The following CRISPLD2 variants were observed in gnomAD, a reference collection of about 807,000 sequenced individuals.
CRISPLD2 encodes the protein cysteine-rich secretory protein LCCL domain-containing 2.
A neutral mutation model predicts 71.1 loss-of-function variants in CRISPLD2; 47 were observed. The ratio of observed to expected loss-of-function variants is 0.66; its 90% CI spans 0.52 to 0.84. The LOEUF is 0.84. Among genes scored for constraint, CRISPLD2 ranks in the 40% least tolerant of loss-of-function variants. The pLI, the probability that CRISPLD2 is intolerant of heterozygous loss-of-function variation, is 0.00. For synonymous variants in CRISPLD2, 317 were observed against 250.1 expected (o/e 1.27, Z -2.52); for missense variants, 830 against 651.1 (o/e 1.27, Z -2.99).
chr16:84,832,068 C>T (rs1376832683), intron 1 of CRISPLD2, among the ~76,000 whole-genome samples: 3 of 152,346 alleles, frequency 2.0e-5, no homozygotes, highest in African/African-American at 7.2e-5. Context: ...TTAAGGTAAA[C>T]GTGGGCTTTG....
chr16:84,853,575 C>T (rs534418028), intron 5 of CRISPLD2, among the ~76,000 whole-genome samples: 4 of 152,304 alleles, frequency 2.6e-5, no homozygotes, highest in South Asian at 2.1e-4. Flanking sequence ...TCTGGGGCCG[C>T]GGGAAGTTCT....
intron 5 of CRISPLD2, 91 bp from the exon 6 acceptor site, chr16:84,854,638 T>C (rs1251232815): frequency 1.1e-6 from 1 of 894,704 alleles, no homozygotes; most frequent in Non-Finnish European, 1.9e-6. Context: ...AGTGGCGGTG[T>C]TCAGGGACTC....
chr16:84,872,853 C>A, intron 9 of CRISPLD2, 139 bp from the exon 10 acceptor site: 8 of 1,076,058 alleles, frequency 7.4e-6, no homozygotes, highest in Non-Finnish European at 1.1e-5. Flanking sequence ...CAGACAGAGG[C>A]GAGAGGCAGG....
intron 2 of CRISPLD2, among the ~76,000 whole-genome samples, chr16:84,845,250 T>C (rs557461384): frequency 6.6e-6 from 1 of 152,298 alleles, no homozygotes; most frequent in East Asian, 1.9e-4. Flanking sequence ...GAGCCCCCTG[T>C]TAGAATGCAA....
intron 2 of CRISPLD2, 124 bp downstream of exon 2, chr16:84,838,859 T>C: frequency 5.7e-6 from 7 of 1,231,458 alleles, no homozygotes; most frequent in Non-Finnish European, 8.0e-6. Flanking sequence ...CAGGGTCTCC[T>C]CTGGCAGGGG....
At chr16:84,851,282 C>T (rs1293719882) in intron 5 of CRISPLD2, among the ~76,000 whole-genome samples, 2 of 152,240 alleles carry the variant, frequency 1.3e-5, no homozygotes, top group Non-Finnish European at 2.9e-5. Flanking sequence ...CATGGTGCCT[C>T]CTCCGCCTAT....
At chr16:84,868,135 C>T (rs1052039384) in intron 7 of CRISPLD2, among the ~76,000 whole-genome samples, 1 of 152,148 alleles carries the variant, frequency 6.6e-6, no homozygotes, top group Non-Finnish European at 1.5e-5. Flanking sequence ...TTCATAACTA[C>T]CATCTCCCCT....
intron 13 of CRISPLD2, among the ~76,000 whole-genome samples, chr16:84,883,901 T>C (rs1965993): frequency 0.21 from 32,110 of 149,742 alleles, 3,544 homozygotes; most frequent in Admixed American, 0.27. Context: ...TGAAGTGCAG[T>C]GGCGTGACCT....
chr16:84,887,703 C>T (rs904027450), intron 13 of CRISPLD2, among the ~76,000 whole-genome samples: 5 of 152,250 alleles, frequency 3.3e-5, no homozygotes, highest in East Asian at 1.9e-4. Flanking sequence ...ATGGAGAAAC[C>T]GTGTCTCTAC....
At chr16:84,823,508 A>G (rs890854462) in intron 1 of CRISPLD2, among the ~76,000 whole-genome samples, 3 of 152,124 alleles carry the variant, frequency 2.0e-5, no homozygotes, top group Non-Finnish European at 4.4e-5. Context: ...GGCCTTCTCC[A>G]TGGGTGCAGG....
At chr16:84,881,978 G>C (rs1045347468) in intron 13 of CRISPLD2, among the ~76,000 whole-genome samples, 3 of 151,922 alleles carry the variant, frequency 2.0e-5, no homozygotes, top group African/African-American at 7.3e-5. Context: ...TCTTTAAATG[G>C]GTCTTTTTTT....
At chr16:84,877,915 A>C (rs2071533961) in intron 12 of CRISPLD2, among the ~76,000 whole-genome samples, 1 of 151,396 alleles carries the variant, frequency 6.6e-6, no homozygotes, top group African/African-American at 2.4e-5. Context: ...ACCCATTAGA[A>C]GTAAACGATG....
chr16:84,846,167 T>C (rs1597454781), intron 3 of CRISPLD2: 1 of 330,432 alleles, frequency 3.0e-6, no homozygotes, highest in Non-Finnish European at 5.6e-6. Context: ...CCTTTCCTTC[T>C]TCCTTTCCTT....
chr16:84,884,470 C>T (rs1158395188), intron 13 of CRISPLD2, among the ~76,000 whole-genome samples: 1 of 152,158 alleles, frequency 6.6e-6, no homozygotes, highest in Non-Finnish European at 1.5e-5. Context: ...ACAGGTCATC[C>T]CAAGTCACAC....
chr16:84,889,667 C>T (rs540698342), intron 14 of CRISPLD2, among the ~76,000 whole-genome samples: 1 of 151,486 alleles, frequency 6.6e-6, no homozygotes, highest in African/African-American at 2.4e-5. Context: ...CAGATAAGCC[C>T]GAAGATAAAC....
At chr16:84,838,074 A>G (rs1020456725) in intron 1 of CRISPLD2, among the ~76,000 whole-genome samples, 1 of 151,964 alleles carries the variant, frequency 6.6e-6, no homozygotes, top group South Asian at 2.1e-4. Context: ...GGCAGGTGAT[A>G]GAAGCTAATT....
chr16:84,820,338 A>T (rs918769885), intron 1 of CRISPLD2, among the ~76,000 whole-genome samples: 7 of 152,204 alleles, frequency 4.6e-5, no homozygotes, highest in Admixed American at 4.6e-4. Flanking sequence ...TCATTTGTCC[A>T]GGACCTCGCA....
intron 1 of CRISPLD2, among the ~76,000 whole-genome samples, chr16:84,831,119 C>T (rs1335904978): frequency 2.0e-5 from 3 of 152,154 alleles, no homozygotes; most frequent in Non-Finnish European, 2.9e-5. Flanking sequence ...GAGCCCAGGG[C>T]CGGGGGTGCC....
intron 14 of CRISPLD2, among the ~76,000 whole-genome samples, chr16:84,903,357 A>T (rs2071772235): frequency 6.6e-6 from 1 of 152,080 alleles, no homozygotes; most frequent in Non-Finnish European, 1.5e-5. Context: ...CAGGCGGATC[A>T]TGAGCTCAGG....
Sources: gnomAD v4.1 joint callset for allele counts (sites outside exome capture counted in the v4.1 genomes callset) on GRCh38, gnomAD v4.1.1 for gene constraint, MANE v1.5 for transcripts, NCBI Gene and HGNC (gene_info 2026-07-23, HGNC 2026-07-21) for gene names.